Variants in DDAH1 observed in about 807,000 individuals in gnomAD.
DDAH1 encodes N(G),N(G)-dimethylarginine dimethylaminohydrolase 1.
Under a neutral mutation model 28.8 loss-of-function variants are expected in DDAH1, and 19 were observed. That is an observed-to-expected ratio of 0.66 (90% CI 0.46 to 0.97). DDAH1 has a LOEUF of 0.97. Ranked by LOEUF, DDAH1 falls within the 50% of genes least tolerant of loss-of-function variation. DDAH1 has a pLI of 0.00. For synonymous variants in DDAH1, 153 were observed against 154.4 expected, an observed-to-expected ratio of 0.99 and a Z score of 0.07; for missense variants, 326 against 375.9, an observed-to-expected ratio of 0.87 and a Z score of 1.10.
chr1:85,486,535 T>C (rs1377361657), intron 2 of DDAH1, among the ~76,000 whole-genome samples: 1 of 152,216 alleles, frequency 6.6e-6, no homozygotes, highest in Non-Finnish European at 1.5e-5. Flanking sequence ...ATGTTCTGTC[T>C]TTAAAACTTC....
At chr1:85,348,897 T>C (rs1309869437) in intron 4 of DDAH1, among the ~76,000 whole-genome samples, 2 of 152,190 alleles carry the variant, frequency 1.3e-5, no homozygotes, top group Admixed American at 1.3e-4. Context: ...AAGGGGCCAC[T>C]TTTTCTAGTT....
intron 1 of DDAH1, among the ~76,000 whole-genome samples, chr1:85,562,102 A>G (rs1278626101): frequency 1.3e-5 from 2 of 152,184 alleles, no homozygotes; most frequent in Non-Finnish European, 2.9e-5. Context: ...CTACAATTTT[A>G]AGTTTGAACC....
At chr1:85,476,536 G>T (rs1305910434) in intron 2 of DDAH1, among the ~76,000 whole-genome samples, 2 of 151,950 alleles carry the variant, frequency 1.3e-5, no homozygotes, top group Non-Finnish European at 2.9e-5. Flanking sequence ...TTCTTCATGT[G>T]GCTCAGGATT....
chr1:85,392,331 G>A (rs1385870928), intron 1 of DDAH1, among the ~76,000 whole-genome samples: 1 of 152,066 alleles, frequency 6.6e-6, no homozygotes, highest in Admixed American at 6.5e-5. Flanking sequence ...CAGTTATACT[G>A]AATTAGGGCC....
At chr1:85,323,412 G>GTAT (rs1340562307) in intron 5 of DDAH1, among the ~76,000 whole-genome samples, 3 of 152,136 alleles carry the variant, frequency 2.0e-5, no homozygotes, top group Non-Finnish European at 2.9e-5. Context: ...AATTACTAAA[G>GTAT]TATATAGATG....
chr1:85,334,576 T>G (rs190447975), intron 4 of DDAH1, among the ~76,000 whole-genome samples: 1 of 152,150 alleles, frequency 6.6e-6, no homozygotes, highest in African/African-American at 2.4e-5. Flanking sequence ...TCTGATGGTT[T>G]AAAAGTGTGT....
intron 1 of DDAH1, among the ~76,000 whole-genome samples, chr1:85,454,823 G>A (rs1418386358): frequency 6.6e-6 from 1 of 152,184 alleles, no homozygotes; most frequent in East Asian, 1.9e-4. Context: ...TCTTGAAGCT[G>A]TGCTCTAGTC....
At chr1:85,424,271 A>G (rs1653290192) in intron 1 of DDAH1, among the ~76,000 whole-genome samples, 1 of 152,084 alleles carries the variant, frequency 6.6e-6, no homozygotes, top group South Asian at 2.1e-4. Flanking sequence ...TCTGGAAGAG[A>G]TTAAGGAGAA....
chr1:85,497,452 A>G (rs1656639842), intron 1 of DDAH1, among the ~76,000 whole-genome samples: 2 of 152,236 alleles, frequency 1.3e-5, no homozygotes, highest in Non-Finnish European at 2.9e-5. Flanking sequence ...GCCAAGAAAG[A>G]GTACTAACTG....
At chr1:85,528,114 T>A (rs1306120900) in intron 1 of DDAH1, among the ~76,000 whole-genome samples, 8 of 151,866 alleles carry the variant, frequency 5.3e-5, no homozygotes, top group Admixed American at 4.6e-4. Context: ...TTTGTCTGCA[T>A]TCCACAGTGA....
intron 1 of DDAH1, among the ~76,000 whole-genome samples, chr1:85,419,059 A>G (rs1653013432): frequency 6.6e-6 from 1 of 152,202 alleles, no homozygotes. Context: ...TCTGTAATCA[A>G]CGTATGCTAA....
At chr1:85,367,849 C>T (rs1229394572) in intron 1 of DDAH1, among the ~76,000 whole-genome samples, 1 of 152,008 alleles carries the variant, frequency 6.6e-6, no homozygotes, top group Non-Finnish European at 1.5e-5. Context: ...CCTTTGATGA[C>T]ATTTTGAGCT....
intron 2 of DDAH1, among the ~76,000 whole-genome samples, chr1:85,471,123 G>A (rs1264159456): frequency 2.6e-5 from 4 of 152,146 alleles, no homozygotes; most frequent in Non-Finnish European, 5.9e-5. Flanking sequence ...GGACAAGAGG[G>A]GACAGAGATT....
Position 85,524,008 on chromosome 1 carries a change from G to A in DDAH1, c.-122-27727C>T, listed in dbSNP as rs527754900. Among the ~76,000 whole-genome samples, 26 of 151,812 alleles carry A rather than the reference G, an allele frequency of 1.7e-4. No homozygotes were observed. In the East Asian group the frequency reaches 5.1e-3, roughly 30 times the overall value. On this transcript the variant is annotated intron_variant, in intron 1 of 6. Coordinates refer to the DDAH1 transcript ENST00000426972. ...TTGAGTATCTACTGATGTCAGGCAT[G>A]AGGATGCAAAGATACCTGAGAAGGC...
chr1:85,447,892 C>T (rs1218924598), intron 1 of DDAH1: 1 of 152,242 alleles, frequency 6.6e-6, no homozygotes, highest in Non-Finnish European at 1.5e-5. Context: ...CCGGCTGCAT[C>T]CCTAAATTCA....
At chr1:85,432,072 T>C (rs1653710511) in intron 1 of DDAH1, among the ~76,000 whole-genome samples, 1 of 152,218 alleles carries the variant, frequency 6.6e-6, no homozygotes, top group Non-Finnish European at 1.5e-5. Context: ...ACGTGGTAAC[T>C]TTGCAGAGTT....
At chr1:85,520,436 G>A (rs1657642126) in intron 1 of DDAH1, among the ~76,000 whole-genome samples, 4 of 152,180 alleles carry the variant, frequency 2.6e-5, no homozygotes, top group African/African-American at 7.2e-5. Context: ...TTGTCCATTG[G>A]TTAAGGTTGT....
intron 1 of DDAH1, among the ~76,000 whole-genome samples, chr1:85,570,777 A>G (rs1283076217): frequency 2.0e-5 from 3 of 152,196 alleles, no homozygotes; most frequent in Admixed American, 6.5e-5. Flanking sequence ...TCCTTTTAAA[A>G]GCTAGAGTCA....
rs368410411 is a variant in DDAH1 at position 85,554,276 on chromosome 1, G to GTTTTTTTTTT, written c.-123+23698_-123+23707dup. Among the ~76,000 whole-genome samples the GTTTTTTTTTT allele has an allele frequency of 3.3e-3, 363 of 110,672 alleles. 8 individuals carry two copies. The highest frequency in any genetic ancestry group is 0.012 in the African/African-American group (342 of 27,602). The allele number at this position is 110,672 out of a possible 152,430, so 72.6% of individuals were successfully genotyped here. On this transcript the variant is annotated intron_variant, in intron 1 of 6. Transcript: ENST00000426972. Reference sequence around the variant, plus strand: ...TTTTCCTAAAAAGGAAATTGTAAGAGTTTTTTTTTTTTTTTTTTTTTTAAT... The same window carrying GTTTTTTTTTT: ...TTTTCCTAAAAAGGAAATTGTAAGAGTTTTTTTTTTTTTTTTTTTTTTTTTTTTTTTTAAT...
Sources: allele counts gnomAD v4.1 joint callset (sites outside exome capture counted in the v4.1 genomes callset), GRCh38; gene constraint gnomAD v4.1.1; transcripts MANE v1.5; gene names NCBI Gene and HGNC (gene_info 2026-07-23, HGNC 2026-07-21).